The following TBC1D5 variants were observed in gnomAD, a reference collection of about 807,000 sequenced individuals.
TBC1D5 encodes the protein TBC1 domain family member 5, also known as TBC1 domain family, member 5.
TBC1D5 carries 75 observed loss-of-function variants against 100.3 expected under a neutral mutation model. That is an observed-to-expected ratio of 0.75 (90% CI 0.62 to 0.91). The LOEUF (loss-of-function observed/expected upper bound fraction) is 0.91, where lower values mean the gene tolerates loss of function less well. Ranked by LOEUF, TBC1D5 falls within the 40% of genes least tolerant of loss-of-function variation. TBC1D5 has a pLI of 0.00. For synonymous variants in TBC1D5, 323 were observed against 325.6 expected, an observed-to-expected ratio of 0.99 and a Z score of 0.09; for missense variants, 910 against 942.4, an observed-to-expected ratio of 0.97 and a Z score of 0.45.
chr3:17,657,759 G>A (rs527560486), intron 1 of TBC1D5, among the ~76,000 whole-genome samples: 6 of 152,176 alleles, frequency 3.9e-5, no homozygotes, highest in Admixed American at 3.3e-4. Flanking sequence ...CCTTCCTGTA[G>A]ATTTTAAACT....
At chr3:17,666,489 A>G (rs1413562388) in intron 1 of TBC1D5, among the ~76,000 whole-genome samples, 2 of 152,220 alleles carry the variant, frequency 1.3e-5, no homozygotes, top group Non-Finnish European at 2.9e-5. Context: ...TCATTTAATT[A>G]TAAGCACTCA....
chr3:17,208,514 T>C (rs901346714), intron 18 of TBC1D5, among the ~76,000 whole-genome samples: 1 of 152,206 alleles, frequency 6.6e-6, no homozygotes, highest in Non-Finnish European at 1.5e-5. Flanking sequence ...CACTATTTAA[T>C]AAAATAATAA....
intron 2 of TBC1D5, among the ~76,000 whole-genome samples, chr3:17,600,940 A>G (rs2060898171): frequency 6.6e-6 from 1 of 152,236 alleles, no homozygotes; most frequent in Admixed American, 6.5e-5. Flanking sequence ...AGGAAGTGAT[A>G]GTAAATTCAT....
At chr3:17,427,708 T>C (rs1229853847) in intron 4 of TBC1D5, among the ~76,000 whole-genome samples, 1 of 151,950 alleles carries the variant, frequency 6.6e-6, no homozygotes, top group Admixed American at 6.6e-5. Context: ...TAAAATGTAT[T>C]ATTATTGAAT....
intron 19 of TBC1D5, among the ~76,000 whole-genome samples, chr3:17,172,417 T>A (rs1430182121): frequency 6.6e-6 from 1 of 152,252 alleles, no homozygotes. Context: ...TGTCTTTCCA[T>A]GGCTTAAGAT....
chr3:17,717,021 T>C (rs1163320271), intron 1 of TBC1D5, among the ~76,000 whole-genome samples: 1 of 152,190 alleles, frequency 6.6e-6, no homozygotes, highest in East Asian at 1.9e-4. Context: ...AGGCATTTTA[T>C]GTAAATCACT....
At chr3:17,477,597 T>C (rs1424360225) in intron 3 of TBC1D5, among the ~76,000 whole-genome samples, 2 of 152,054 alleles carry the variant, frequency 1.3e-5, no homozygotes, top group South Asian at 2.1e-4. Context: ...GTATAAGTCA[T>C]TGTATGTCCG....
intron 3 of TBC1D5, among the ~76,000 whole-genome samples, chr3:17,460,807 A>T (rs2095191489): frequency 1.3e-5 from 2 of 151,738 alleles, no homozygotes; most frequent in South Asian, 4.2e-4. Flanking sequence ...ATTATACAAT[A>T]AAAAAAATTA....
chr3:17,273,601 G>A (rs2079650926), intron 15 of TBC1D5, among the ~76,000 whole-genome samples: 1 of 152,078 alleles, frequency 6.6e-6, no homozygotes, highest in Non-Finnish European at 1.5e-5. Context: ...GAGGTCAGGT[G>A]TTCGAGACCA....
chr3:17,447,711 T>G (rs2094832939), intron 3 of TBC1D5, among the ~76,000 whole-genome samples: 1 of 152,170 alleles, frequency 6.6e-6, no homozygotes. Flanking sequence ...AAAAGATAAA[T>G]CATACAGTAG....
chr3:17,251,791 T>C (rs1384069890), intron 16 of TBC1D5, among the ~76,000 whole-genome samples: 1 of 152,246 alleles, frequency 6.6e-6, no homozygotes, highest in Non-Finnish European at 1.5e-5. Flanking sequence ...GACATTTTCC[T>C]ACTCATTCAG....
chr3:17,625,995 A>C (rs2063020011), intron 1 of TBC1D5, among the ~76,000 whole-genome samples: 1 of 152,164 alleles, frequency 6.6e-6, no homozygotes, highest in Non-Finnish European at 1.5e-5. Flanking sequence ...GTCGGGCACC[A>C]ATTAATCATT....
chr3:17,563,694 G>C (rs1229359224), intron 2 of TBC1D5, among the ~76,000 whole-genome samples: 1 of 152,218 alleles, frequency 6.6e-6, no homozygotes, highest in Non-Finnish European at 1.5e-5. Flanking sequence ...AAGGAGTCTG[G>C]AAGGACATAT....
chr3:17,290,086 A>G (rs1267683621), intron 15 of TBC1D5, among the ~76,000 whole-genome samples: 1 of 152,126 alleles, frequency 6.6e-6, no homozygotes, highest in African/African-American at 2.4e-5. Flanking sequence ...ATCATGCCCA[A>G]TTTATTATGT....
At chr3:17,553,187 A>C (rs2096488019) in intron 2 of TBC1D5, among the ~76,000 whole-genome samples, 1 of 152,100 alleles carries the variant, frequency 6.6e-6, no homozygotes. Context: ...TATTTAAAGA[A>C]CTCTCCATAG....
intron 18 of TBC1D5, among the ~76,000 whole-genome samples, chr3:17,189,377 A>T (rs1028137103): frequency 6.6e-6 from 1 of 152,210 alleles, no homozygotes; most frequent in Non-Finnish European, 1.5e-5. Flanking sequence ...ACTAATGTAC[A>T]AGGCAAGAAA....
chr3:17,741,617 TTA>T (rs1408550121), upstream of TBC1D5, among the ~76,000 whole-genome samples: 10 of 152,110 alleles, frequency 6.6e-5, no homozygotes, highest in Non-Finnish European at 4.4e-5. Context: ...TTCCAGAAAG[TTA>T]TTATTCGAAA....
intron 2 of TBC1D5, among the ~76,000 whole-genome samples, chr3:17,565,539 T>G (rs1048307926): frequency 2.0e-5 from 3 of 152,090 alleles, no homozygotes; most frequent in Non-Finnish European, 4.4e-5. Flanking sequence ...AAGAATCAAC[T>G]GCAAAGAAAA....
intron 2 of TBC1D5, among the ~76,000 whole-genome samples, chr3:17,603,842 AC>A (rs2061162860): frequency 1.3e-5 from 2 of 151,924 alleles, no homozygotes; most frequent in Admixed American, 1.3e-4. Flanking sequence ...ATGGGGTTTT[AC>A]CATGTTGGCC....
Sources: allele counts gnomAD v4.1 joint callset (sites outside exome capture counted in the v4.1 genomes callset), GRCh38; gene constraint gnomAD v4.1.1; transcripts MANE v1.5; gene names NCBI Gene and HGNC (gene_info 2026-07-23, HGNC 2026-07-21).